Variants in UST observed in about 807,000 individuals in gnomAD.
The protein encoded by UST is uronyl 2-sulfotransferase.
Under a neutral mutation model 45.6 loss-of-function variants are expected in UST, and 21 were observed. The ratio of observed to expected loss-of-function variants is 0.46; its 90% CI spans 0.33 to 0.66. The LOEUF (loss-of-function observed/expected upper bound fraction) is 0.66. Ranked by LOEUF, UST falls within the 30% of genes least tolerant of loss-of-function variation. The probability of loss-of-function intolerance (pLI) is 0.02; values close to 1 mark genes in which losing one functional copy is unlikely to be tolerated. For missense variants in UST, 463 were observed against 512.4 expected, an observed-to-expected ratio of 0.90 and a Z score of 0.93; for synonymous variants, 215 against 200.6, an observed-to-expected ratio of 1.07 and a Z score of -0.61.
intron 5 of UST, among the ~76,000 whole-genome samples, chr6:148,989,116 T>C (rs1309679691): frequency 2.6e-5 from 4 of 152,182 alleles, no homozygotes; most frequent in Non-Finnish European, 4.4e-5. Context: ...TCAGTGTTTT[T>C]GTTATTATCA....
chr6:149,069,234 A>C (rs1325869027), intron 7 of UST, among the ~76,000 whole-genome samples: 2 of 152,164 alleles, frequency 1.3e-5, no homozygotes, highest in Non-Finnish European at 2.9e-5. Flanking sequence ...TGATATGTTG[A>C]TTTCATTTCC....
At chr6:148,977,730 T>A (rs1426373458) in intron 5 of UST, among the ~76,000 whole-genome samples, 4 of 130,448 alleles carry the variant, frequency 3.1e-5, no homozygotes, top group East Asian at 2.2e-4. Context: ...CCAGCCTGGA[T>A]GACAGAGTGA....
intron 1 of UST, among the ~76,000 whole-genome samples, chr6:148,791,862 C>T (rs962055436): frequency 6.6e-6 from 1 of 152,148 alleles, no homozygotes; most frequent in African/African-American, 2.4e-5. Flanking sequence ...ACTCAGTAAA[C>T]GATTGTTGAG....
chr6:148,897,563 C>T (rs1369563344), intron 2 of UST, among the ~76,000 whole-genome samples: 1 of 151,832 alleles, frequency 6.6e-6, no homozygotes, highest in African/African-American at 2.4e-5. Context: ...ACAATCATAG[C>T]TCACTGTAGC....
At chr6:148,908,848 G>A (rs922287357) in intron 2 of UST, among the ~76,000 whole-genome samples, 2 of 152,176 alleles carry the variant, frequency 1.3e-5, no homozygotes, top group Admixed American at 6.5e-5. Flanking sequence ...ACAAAAGGCT[G>A]TTGATGATAA....
rs550009780 is a variant in UST at position 148,839,156 on chromosome 6, C to T, written c.248-47830C>T. The stretch of plus-strand genomic sequence containing the variant: ...TTGTTTTGGATTAGCCTCTTGCACT[C>T]GGCCGCAGCAGAATAGATCAAACCA... On this transcript the variant is annotated intron_variant, in intron 1 of 7. Coordinates refer to ENST00000367463, the MANE Select transcript of UST (RefSeq NM_005715.3). Among the ~76,000 whole-genome samples, 8 of 152,274 alleles carry T rather than the reference C, an allele frequency of 5.3e-5. No individual in the cohort carries two copies. In the East Asian group the frequency reaches 9.6e-4, roughly 18 times the overall value.
chr6:148,937,575 T>C (rs1562305959), intron 2 of UST, among the ~76,000 whole-genome samples: 3 of 152,194 alleles, frequency 2.0e-5, no homozygotes, highest in Admixed American at 2.0e-4. Context: ...ACTGTGCTGA[T>C]TACCCAAACA....
rs1219672960 is a variant in UST, at chr6:149,049,929, T to TCACACACACA, written c.938-23903_938-23902insACACACACAC. Among the ~76,000 whole-genome samples the TCACACACACA allele has an allele frequency of 5.1e-3, 657 of 129,774 alleles. 4 individuals carry two copies. Among genetic ancestry groups the TCACACACACA allele is most frequent in the African/African-American group, 0.018 (618 of 34,320 alleles). 85.1% of individuals were successfully genotyped at this position (129,774 alleles called of 152,430 possible). A position where few individuals can be genotyped will look rare whatever the true frequency, so the allele number is the denominator to read the frequency against. ...CCTTGTCTCTCTCTCTCTCTCTCTC[T>TCACACACACA]CTCACACACACACACACACACACAC... On this transcript the variant is annotated intron_variant, in intron 7 of 7. Coordinates refer to ENST00000367463, the MANE Select transcript of UST (RefSeq NM_005715.3).
chr6:148,818,967 A>G lies in UST; in HGVS notation c.248-68019A>G, dbSNP rs377071216. 3.3e-5 allele frequency among the ~76,000 whole-genome samples: 5 copies of G among 152,302 alleles called. No homozygotes were observed. In the South Asian group the frequency reaches 6.2e-4, roughly 19 times the overall value. On this transcript the variant is annotated intron_variant, in intron 1 of 7. Coordinates refer to ENST00000367463, the MANE Select transcript of UST (RefSeq NM_005715.3). ...GGTTTTCTGTCTGGGGATAATCAAA[A>G]TCTGGGTTCTTATGTAATGTAAGAC...
intron 5 of UST, among the ~76,000 whole-genome samples, chr6:148,968,042 G>A (rs1275751040): frequency 6.6e-6 from 1 of 152,214 alleles, no homozygotes. Flanking sequence ...GGGATTCGGG[G>A]TGGGGTAAAG....
intron 1 of UST, among the ~76,000 whole-genome samples, chr6:148,789,102 A>G (rs138236361): frequency 6.6e-6 from 1 of 152,348 alleles, no homozygotes; most frequent in Non-Finnish European, 1.5e-5. Context: ...GAGAGTTTTA[A>G]TTAGGGTTCA....
intron 3 of UST, among the ~76,000 whole-genome samples, chr6:148,942,877 C>T (rs538027937): frequency 6.6e-6 from 1 of 152,138 alleles, no homozygotes; most frequent in Non-Finnish European, 1.5e-5. Flanking sequence ...TAGCCATTAC[C>T]AGCACGAATA....
rs772511492 is a variant in UST at position 149,017,793 on chromosome 6, C to CATAT, written c.682-1342_682-1339dup. On this transcript the variant is annotated intron_variant, in intron 5 of 7. Coordinates refer to ENST00000367463, the MANE Select transcript of UST (RefSeq NM_005715.3). ...TAAACTCATTGCAGCAATGAATATC[C>CATAT]ATATATACACACACACACACACACA... is the stretch of plus-strand genomic sequence containing the variant. 7.2e-3 allele frequency among the ~76,000 whole-genome samples: 391 copies of CATAT among 54,376 alleles called. 3 individuals carry two copies. Among genetic ancestry groups the CATAT allele is most frequent in the African/African-American group, 0.028 (379 of 13,764 alleles). 35.7% of individuals were successfully genotyped at this position (54,376 alleles called of 152,430 possible).
intron 2 of UST, among the ~76,000 whole-genome samples, chr6:148,931,382 T>C (rs1048879329): frequency 6.6e-6 from 1 of 152,244 alleles, no homozygotes; most frequent in Non-Finnish European, 1.5e-5. Flanking sequence ...TTTGGAGATT[T>C]GTGTGATTAA....
rs551430789 is a variant in UST, at chr6:149,041,655, G to A, written c.937+20174G>A. 5.9e-5 allele frequency among the ~76,000 whole-genome samples: 9 copies of A among 152,280 alleles called. No individual in the cohort carries two copies. In the South Asian group the frequency reaches 1.0e-3, roughly 18 times the overall value. ...GCCGCTGTTCAGATGCCTCTTCATC[G>A]CTTGTTCTCTCCCACAACTGGAGAC... On this transcript the variant is annotated intron_variant, in intron 7 of 7. Transcript: ENST00000367463.
At chr6:148,788,396 C>G (rs892990785) in intron 1 of UST, among the ~76,000 whole-genome samples, 2 of 151,988 alleles carry the variant, frequency 1.3e-5, no homozygotes, top group Admixed American at 6.6e-5. Flanking sequence ...ATTAATTAGC[C>G]AGGATAAACC....
rs184114776 is a variant in UST, at chr6:148,839,276, G to A, written c.248-47710G>A. On this transcript the variant is annotated intron_variant, in intron 1 of 7. Transcript: ENST00000367463. ...CAAGAGGAGGTTCCAATCAACCTGA[G>A]TCAGCATAATCAGGAAGGCCCCTCT... 3.9e-3 allele frequency among the ~76,000 whole-genome samples: 589 copies of A among 152,316 alleles called. 6 individuals are homozygous for A. The highest frequency in any genetic ancestry group is 0.017 in the Middle Eastern group (5 of 294).
intron 1 of UST, among the ~76,000 whole-genome samples, chr6:148,860,157 C>T (rs1376119191): frequency 6.6e-6 from 1 of 152,078 alleles, no homozygotes; most frequent in Non-Finnish European, 1.5e-5. Flanking sequence ...TGTTTGTGTC[C>T]TCTTTTATTT....
In UST at chr6:148,924,657, T is replaced by A. The variant is rs186509196; in HGVS notation, c.292-16622T>A. 3.6e-3 allele frequency among the ~76,000 whole-genome samples: 554 copies of A among 152,270 alleles called. 3 individuals are homozygous for A. The highest frequency in any genetic ancestry group is 0.012 in the African/African-American group (513 of 41,550). On this transcript the variant is annotated intron_variant, in intron 2 of 7. Transcript: ENST00000367463. ...CGTTAGTGTGGGGGGACACTCTGAA[T>A]TTCCCCTAGGCCGTCACATGTGGGC...
Sources: gnomAD v4.1 joint callset for allele counts (sites outside exome capture counted in the v4.1 genomes callset) on GRCh38, gnomAD v4.1.1 for gene constraint, MANE v1.5 for transcripts, NCBI Gene and HGNC (gene_info 2026-07-23, HGNC 2026-07-21) for gene names.